The following FAT3 variants were observed in gnomAD, a reference collection of about 807,000 sequenced individuals.
FAT3 encodes the protein protocadherin Fat 3.
FAT3 carries 95 observed loss-of-function variants against 310.2 expected under a neutral mutation model. That is an observed-to-expected ratio of 0.31 (90% CI 0.26 to 0.36). The LOEUF is 0.36. Ranked by LOEUF, FAT3 falls within the 10% of genes least tolerant of loss-of-function variation. The pLI, the probability that FAT3 is intolerant of heterozygous loss-of-function variation, is 1.00. For synonymous variants in FAT3, 2,314 were observed against 2,192.9 expected, an observed-to-expected ratio of 1.06 and a Z score of -1.54; for missense variants, 5,408 against 5,715.6, an observed-to-expected ratio of 0.95 and a Z score of 1.74.
intron 2 of FAT3, among the ~76,000 whole-genome samples, chr11:92,411,058 T>TATATATAATATATAA (rs1565294613): frequency 6.3e-5 from 9 of 143,374 alleles, no homozygotes; most frequent in African/African-American, 2.1e-4. Context: ...AATATATATA[T>TATATATAATATATAA]AAATATATAT....
chr11:92,820,547 G>C (rs190018593), intron 13 of FAT3, among the ~76,000 whole-genome samples: 2 of 152,218 alleles, frequency 1.3e-5, no homozygotes, highest in Non-Finnish European at 2.9e-5. Context: ...GACAGCTGTG[G>C]TATTGTGAGG....
intron 4 of FAT3, among the ~76,000 whole-genome samples, chr11:92,721,385 A>T (rs1258143517): frequency 2.6e-5 from 4 of 152,258 alleles, no homozygotes; most frequent in Non-Finnish European, 4.4e-5. Context: ...ATTTAATTGT[A>T]CACATTAAAC....
intron 2 of FAT3, among the ~76,000 whole-genome samples, chr11:92,433,679 G>C (rs895088190): frequency 6.6e-6 from 1 of 152,050 alleles, no homozygotes; most frequent in African/African-American, 2.4e-5. Flanking sequence ...TTCTTATTCG[G>C]CCATCTTGCC....
At chr11:92,757,875 G>A (rs1946045901) in intron 4 of FAT3, among the ~76,000 whole-genome samples, 1 of 152,168 alleles carries the variant, frequency 6.6e-6, no homozygotes, top group Admixed American at 6.5e-5. Context: ...ACAAAAGTGA[G>A]CACAGTTTGA....
chr11:92,555,079 C>T (rs1223086941), intron 3 of FAT3, among the ~76,000 whole-genome samples: 1 of 152,210 alleles, frequency 6.6e-6, no homozygotes, highest in African/African-American at 2.4e-5. Context: ...ACCCACTATA[C>T]ACACCAATCA....
At chr11:92,553,091 C>A (rs1474061814) in intron 3 of FAT3, among the ~76,000 whole-genome samples, 4 of 152,114 alleles carry the variant, frequency 2.6e-5, no homozygotes, top group Non-Finnish European at 5.9e-5. Context: ...TTTTCAGCTT[C>A]TTCTCATTCC....
At position 92,529,661 on chromosome 11, in the gene FAT3, T is replaced by C. The variant is rs1272601318; in HGVS notation, c.3607+4713T>C. 2.0e-5 allele frequency among the ~76,000 whole-genome samples: 3 copies of C among 152,336 alleles called. No homozygotes were observed. The East Asian group carries it at 5.8e-4, about 29-fold the overall frequency. ...AGACCCCTTCATTCTTTCTTTTGTG[T>C]CTGTAAAACATAGATCCAGGATTAG... On this transcript the variant is annotated intron_variant, in intron 3 of 27. Coordinates refer to ENST00000525166, the MANE Select transcript of FAT3 (RefSeq NM_001367949.2).
chr11:92,641,232 TTC>T (rs1941952637), intron 3 of FAT3, among the ~76,000 whole-genome samples: 1 of 152,062 alleles, frequency 6.6e-6, no homozygotes, highest in African/African-American at 2.4e-5. Flanking sequence ...ATACTATGCA[TTC>T]TCTCTCAATA....
chr11:92,652,988 C>A (rs56162914), intron 3 of FAT3, among the ~76,000 whole-genome samples: 1 of 152,070 alleles, frequency 6.6e-6, no homozygotes, highest in Admixed American at 6.5e-5. Flanking sequence ...CATGGTGAAA[C>A]CCCGTCTCTA....
intron 2 of FAT3, among the ~76,000 whole-genome samples, chr11:92,441,248 A>G (rs1490487330): frequency 6.6e-6 from 1 of 152,112 alleles, no homozygotes; most frequent in Admixed American, 6.5e-5. Context: ...CTCTAGAACT[A>G]TTTTTATTTA....
intron 7 of FAT3, among the ~76,000 whole-genome samples, chr11:92,782,519 C>T (rs1447780388): frequency 1.3e-5 from 2 of 152,030 alleles, no homozygotes; most frequent in African/African-American, 4.8e-5. Context: ...CTGCAGTGAG[C>T]CATGATCACA....
intron 27 of FAT3, 100 bp from the exon 28 acceptor site, chr11:92,890,391 A>T: frequency 1.4e-6 from 2 of 1,380,878 alleles, no homozygotes; most frequent in Non-Finnish European, 1.9e-6. Flanking sequence ...GGTTTCTTGG[A>T]TGCTAAAAAT....
chr11:92,871,074 CAGG>C (rs1471771212), intron 22 of FAT3, among the ~76,000 whole-genome samples: 1 of 152,104 alleles, frequency 6.6e-6, no homozygotes, highest in Non-Finnish European at 1.5e-5. Flanking sequence ...TTTGGGAGGC[CAGG>C]AGTTCAAGGT....
intron 2 of FAT3, among the ~76,000 whole-genome samples, chr11:92,437,209 C>T (rs1483295467): frequency 6.6e-6 from 1 of 152,110 alleles, no homozygotes; most frequent in Non-Finnish European, 1.5e-5. Context: ...GCTTGAAAAG[C>T]AACATGTGAA....
chr11:92,366,676 G>T (rs565212031), intron 2 of FAT3: 3 of 535,116 alleles, frequency 5.6e-6, no homozygotes, highest in African/African-American at 1.9e-5. Flanking sequence ...GCTTGACAAT[G>T]GTTGGAAGGC....
At chr11:92,340,270 G>A (rs1016663972) in intron 1 of FAT3, among the ~76,000 whole-genome samples, 1 of 152,144 alleles carries the variant, frequency 6.6e-6, no homozygotes, top group African/African-American at 2.4e-5. Context: ...TAAGTGGCTG[G>A]TTGGTTGTAG....
In FAT3 at chr11:92,353,054, G is replaced by A. The variant is rs1199340771; in HGVS notation, c.942G>A (p.Leu314=). 6.2e-7 allele frequency: 1 copy of A among 1,613,622 alleles called. No homozygotes were observed. Among genetic ancestry groups the A allele is most frequent in the Non-Finnish European group, 8.5e-7 (1 of 1,179,836 alleles). Residue 314 remains leucine, a synonymous_variant, in exon 2 of 28, where the codon CTG becomes CTA. Transcript: ENST00000525166. ...GGGATCCTTTAGATCAGTTCTTCCT[G>A]GCTAAGGAAGGAAAGTGGTTGAATG... ...VAGDPLDQFF[L]AKEGKWLNEY...
rs1434070854 is a variant in FAT3 at position 92,882,817 on chromosome 11, C to T, written c.12361C>T (p.Leu4121Phe). 1 of 1,611,988 alleles carries T rather than the reference C, an allele frequency of 6.2e-7. No individual in the cohort carries two copies. Among genetic ancestry groups the T allele is most frequent in the East Asian group, 2.2e-5 (1 of 44,822 alleles). The change falls in exon 24 of 28, where the codon CTC becomes TTC. Residue 4121 changes from leucine to phenylalanine, a missense_variant. By Grantham distance (22) the Leu-to-Phe change is conservative (BLOSUM62 0). Transcript: ENST00000525166. ...CTGCGTGAACGTGTTCGGCTCCTTC[C>T]TCTGCAACTGCACGCCGGGCTACGT... The part of the protein sequence containing the change: ...GSCVNVFGSF[L>F]CNCTPGYVGQ...
intron 24 of FAT3, among the ~76,000 whole-genome samples, chr11:92,884,875 A>G (rs1209460569): frequency 6.6e-6 from 1 of 152,200 alleles, no homozygotes; most frequent in Non-Finnish European, 1.5e-5. Flanking sequence ...GAACAAGAAC[A>G]GAGAGGATGG....
Sources: gnomAD v4.1 joint callset for allele counts (sites outside exome capture counted in the v4.1 genomes callset) on GRCh38, gnomAD v4.1.1 for gene constraint, MANE v1.5 for transcripts, NCBI Gene and HGNC (gene_info 2026-07-23, HGNC 2026-07-21) for gene names.